Variants in BRAP observed in about 807,000 individuals in gnomAD.
BRAP encodes BRCA1 associated protein, also known as BRCA1-associated protein.
Under a neutral mutation model 73.4 loss-of-function variants are expected in BRAP, and 42 were observed. The observed-to-expected ratio is 0.57, with a 90% CI of 0.45 to 0.74. The LOEUF is 0.74. Ranked by LOEUF, BRAP falls within the 30% of genes least tolerant of loss-of-function variation. The probability of loss-of-function intolerance (pLI) is 0.00; values close to 1 mark genes in which losing one functional copy is unlikely to be tolerated. For synonymous variants in BRAP, 255 were observed against 267.4 expected, an observed-to-expected ratio of 0.95 and a Z score of 0.45; for missense variants, 593 against 751.4, an observed-to-expected ratio of 0.79 and a Z score of 2.46.
chr12:111,678,623 C>T (rs1251842263), intron 4 of BRAP, among the ~76,000 whole-genome samples: 2 of 151,670 alleles, frequency 1.3e-5, no homozygotes, highest in Non-Finnish European at 2.9e-5. Flanking sequence ...CACCACTGCA[C>T]TCCAGCCTGG....
intron 6 of BRAP, among the ~76,000 whole-genome samples, chr12:111,664,356 C>T (rs955692705): frequency 3.3e-5 from 5 of 151,924 alleles, no homozygotes; most frequent in African/African-American, 1.2e-4. Flanking sequence ...ACTGGAGTGG[C>T]GGGGAACAAA....
intron 3 of BRAP, among the ~76,000 whole-genome samples, chr12:111,681,066 T>C (rs930015801): frequency 2.0e-5 from 3 of 152,300 alleles, no homozygotes. Context: ...TCCATGCCTA[T>C]CTGCTAAGAA....
At chr12:111,675,645 T>C (rs141547380) in intron 4 of BRAP, among the ~76,000 whole-genome samples, 47 of 151,948 alleles carry the variant, frequency 3.1e-4, no homozygotes, top group African/African-American at 1.1e-3. Flanking sequence ...TGAAAATGTT[T>C]GCATTGTGTG....
At chr12:111,660,473 G>C in intron 7 of BRAP, 127 bp downstream of exon 7, 1 of 769,120 alleles carries the variant, frequency 1.3e-6, no homozygotes, top group Non-Finnish European at 1.8e-6. Context: ...AACACAGTAA[G>C]CCCTGTCTCT....
intron 7 of BRAP, among the ~76,000 whole-genome samples, chr12:111,659,759 G>A (rs1404673799): frequency 6.6e-6 from 1 of 152,170 alleles, no homozygotes; most frequent in African/African-American, 2.4e-5. Context: ...GCTCACACCT[G>A]TAATCCCAGC....
intron 1 of BRAP, 26 bp from the exon 2 acceptor site, chr12:111,683,333 C>A (rs746152686): frequency 6.4e-5 from 102 of 1,583,492 alleles, no homozygotes; most frequent in Non-Finnish European, 8.2e-5. Flanking sequence ...ATGATTAATA[C>A]AAGGTAATAA....
chr12:111,644,543 T>G lies in BRAP; in HGVS notation c.1435A>C (p.Lys479Gln). The part of the protein sequence containing the change: ...VERKCTQLNT[K>Q]VAKLTNELKE... ...AGCTCGTTGGTGAGTTTGGCCACTT[T>G]TGTGTTTAGCTGAGTGCACCTTTTG... The change falls in exon 12 of 12, where the codon AAA becomes CAA. Residue 479 changes from lysine (K) to glutamine (Q), a missense_variant. Transcript: ENST00000419234. The G allele has an allele frequency of 6.2e-7, 1 of 1,613,762 alleles. No homozygotes were observed. The highest frequency in any genetic ancestry group is 8.5e-7 in the Non-Finnish European group (1 of 1,179,694).
In BRAP at chr12:111,651,059, G is replaced by T. The variant is rs1345784681; in HGVS notation, c.1312-1017C>A. Among the ~76,000 whole-genome samples, 4 of 152,130 alleles carry T rather than the reference G, an allele frequency of 2.6e-5. No homozygotes were observed. In the East Asian group the frequency reaches 7.7e-4, roughly 29 times the overall value. Reference sequence around the variant, plus strand: ...CACTGGTCTAAGGACACCAGCAAAAGATTTGGTGGGAAGGCAAAGTCAGGA... The same window carrying T: ...CACTGGTCTAAGGACACCAGCAAAATATTTGGTGGGAAGGCAAAGTCAGGA... On this transcript the variant is annotated intron_variant, in intron 10 of 11. Coordinates refer to ENST00000419234, the MANE Select transcript of BRAP (RefSeq NM_006768.5).
Position 111,665,872 on chromosome 12 carries a change from GCT to G in BRAP, c.748-87_748-86del. 1 of 1,540,908 alleles carries G rather than the reference GCT, an allele frequency of 6.5e-7. No homozygotes were observed. Among genetic ancestry groups the G allele is most frequent in the South Asian group, 1.2e-5 (1 of 85,382 alleles). ...CTTCTTTTTTCTGAGACAGGGTCTC[GCT>G]CTCTGTCACCCACGCTGGAGCCCAG... On this transcript the variant is annotated intron_variant, in intron 5 of 11. Coordinates refer to ENST00000419234, the MANE Select transcript of BRAP (RefSeq NM_006768.5). The surrounding 1 kb of genome is among the most constrained non-coding windows in gnomAD (Gnocchi z 4.3).
intron 11 of BRAP, among the ~76,000 whole-genome samples, chr12:111,649,419 CT>C (rs1566110089): frequency 6.6e-6 from 1 of 152,232 alleles, no homozygotes. Context: ...TCCCAAAGTG[CT>C]GGGATTACAG....
chr12:111,674,479 G>A (rs1887300083), intron 4 of BRAP, among the ~76,000 whole-genome samples: 2 of 152,174 alleles, frequency 1.3e-5, no homozygotes, highest in South Asian at 4.1e-4. Context: ...CTGAGCTCTG[G>A]CAATCCACCC....
chr12:111,661,042 C>T (rs554822313), intron 6 of BRAP, among the ~76,000 whole-genome samples: 6 of 150,212 alleles, frequency 4.0e-5, no homozygotes, highest in South Asian at 4.2e-4. Context: ...TGCAGTGGTG[C>T]GATCTCAATT....
At chr12:111,650,863 A>G (rs1886290768) in intron 10 of BRAP, among the ~76,000 whole-genome samples, 1 of 152,220 alleles carries the variant, frequency 6.6e-6, no homozygotes. Flanking sequence ...AACAATATAC[A>G]TAGACTAATT....
rs1885999048 is a variant in BRAP at position 111,644,013 on chromosome 12, A to G, written c.*186T>C. On this transcript the variant is annotated 3_prime_UTR_variant, in exon 12 of 12. Coordinates refer to ENST00000419234, the MANE Select transcript of BRAP (RefSeq NM_006768.5). ...ACCTTTTCGAACGCAGCGCCTTTCT[A>G]TCAGCTCTCCAGTCAGCACCCTTTA... 7.4e-6 allele frequency: 7 copies of G among 940,588 alleles called. No individual in the cohort carries two copies. The highest frequency in any genetic ancestry group is 1.1e-5 in the Non-Finnish European group (7 of 655,386). 58.3% of individuals were successfully genotyped at this position (940,588 alleles called of 1,614,324 possible).
At chr12:111,650,520 C>A (rs149779095) in intron 10 of BRAP, among the ~76,000 whole-genome samples, 80 of 152,286 alleles carry the variant, frequency 5.3e-4, no homozygotes, top group African/African-American at 1.8e-3. Context: ...CCTGCCTCGG[C>A]CTCCCAAAAT....
At chr12:111,660,382 G>C (rs1264046844) in intron 7 of BRAP, among the ~76,000 whole-genome samples, 1 of 152,084 alleles carries the variant, frequency 6.6e-6, no homozygotes, top group Non-Finnish European at 1.5e-5. Flanking sequence ...GGGTGCAGTG[G>C]CTCACACTTG....
chr12:111,650,556 G>A (rs1444168867), intron 10 of BRAP, among the ~76,000 whole-genome samples: 4 of 152,208 alleles, frequency 2.6e-5, no homozygotes, highest in South Asian at 2.1e-4. Context: ...GTGAGCCACC[G>A]TGCCCGGCCT....
intron 6 of BRAP, among the ~76,000 whole-genome samples, chr12:111,662,962 A>C (rs900717393): frequency 2.0e-5 from 3 of 146,530 alleles, no homozygotes; most frequent in Admixed American, 6.7e-5. Context: ...AAAAAAAAAC[A>C]AAAAACTAAA....
At chr12:111,650,806 C>A (rs1886289095) in intron 10 of BRAP, among the ~76,000 whole-genome samples, 1 of 152,090 alleles carries the variant, frequency 6.6e-6, no homozygotes, top group Non-Finnish European at 1.5e-5. Context: ...TATCATGAAG[C>A]CACATGGAGT....
Sources: gnomAD v4.1 joint callset for allele counts (sites outside exome capture counted in the v4.1 genomes callset) on GRCh38, gnomAD v4.1.1 for gene constraint, Gnocchi (gnomAD v3.1) non-coding constraint, MANE v1.5 for transcripts, NCBI Gene and HGNC (gene_info 2026-07-23, HGNC 2026-07-21) for gene names.